Variants in UBXN7 observed in about 807,000 individuals in gnomAD.
The protein encoded by UBXN7 is UBX domain-containing protein 7.
Under a neutral mutation model 58.0 loss-of-function variants are expected in UBXN7, and 9 were observed. The observed-to-expected ratio is 0.16, with a 90% confidence interval of 0.09 to 0.27. The LOEUF is 0.27. Ranked by LOEUF, UBXN7 falls within the 10% of genes least tolerant of loss-of-function variation. UBXN7 has a pLI of 1.00. For synonymous variants in UBXN7, 208 were observed against 205.0 expected, an observed-to-expected ratio of 1.01 and a Z score of -0.12; for missense variants, 328 against 599.6, an observed-to-expected ratio of 0.55 and a Z score of 4.73.
intron 1 of UBXN7, among the ~76,000 whole-genome samples, chr3:196,431,142 T>C (rs1190851064): frequency 6.6e-6 from 1 of 152,170 alleles, no homozygotes; most frequent in Admixed American, 6.5e-5. Flanking sequence ...TAACCAGATA[T>C]TGCACGTTAA....
At position 196,356,495 on chromosome 3, in the gene UBXN7, G is replaced by T; in HGVS notation, c.*190C>A. On this transcript the variant is annotated 3_prime_UTR_variant, in exon 11 of 11. Transcript: ENST00000296328. Reference sequence around the variant, plus strand: ...GTACGGAGTGGGGAGCGAGAAAACAGAAGAGGAGAAAGAAACAAAGGGGGA... The same window carrying T: ...GTACGGAGTGGGGAGCGAGAAAACATAAGAGGAGAAAGAAACAAAGGGGGA... 1 of 577,602 alleles carries T rather than the reference G, an allele frequency of 1.7e-6. No individual in the cohort carries two copies. The highest frequency in any genetic ancestry group is 2.9e-6 in the Non-Finnish European group (1 of 347,904). The allele number at this position is 577,602 out of a possible 1,614,324, so 35.8% of individuals were successfully genotyped here. A position where few individuals can be genotyped will look rare whatever the true frequency, so the allele number is the denominator to read the frequency against.
chr3:196,419,925 A>G (rs1186298491), intron 1 of UBXN7, among the ~76,000 whole-genome samples: 3 of 152,226 alleles, frequency 2.0e-5, no homozygotes, highest in Non-Finnish European at 4.4e-5. Context: ...TGTAATTGCC[A>G]ATAACACTAC....
chr3:196,368,419 A>C (rs1728728572), intron 7 of UBXN7, among the ~76,000 whole-genome samples: 1 of 152,178 alleles, frequency 6.6e-6, no homozygotes, highest in South Asian at 2.1e-4. Context: ...ATCTTTCTGA[A>C]CATTCTCATT....
chr3:196,431,504 T>G (rs998348549), intron 1 of UBXN7: 1 of 159,510 alleles, frequency 6.3e-6, no homozygotes, highest in Non-Finnish European at 1.4e-5. Context: ...GCCTAGGGTT[T>G]CGGGGATACC....
chr3:196,430,371 A>G (rs1730988507), intron 1 of UBXN7, among the ~76,000 whole-genome samples: 1 of 151,772 alleles, frequency 6.6e-6, no homozygotes, highest in African/African-American at 2.4e-5. Context: ...AAATAATAAT[A>G]ATAATAATAA....
At chr3:196,363,497 A>T (rs1273042721) in intron 8 of UBXN7, among the ~76,000 whole-genome samples, 1 of 152,042 alleles carries the variant, frequency 6.6e-6, no homozygotes, top group Non-Finnish European at 1.5e-5. Flanking sequence ...TCTACTAAAA[A>T]TGATTAAGCT....
At chr3:196,424,125 A>T (rs1395289690) in intron 1 of UBXN7, among the ~76,000 whole-genome samples, 2 of 152,026 alleles carry the variant, frequency 1.3e-5, no homozygotes, top group Admixed American at 1.3e-4. Flanking sequence ...TCCTGATCTC[A>T]TGTGATCCAC....
chr3:196,412,555 C>A (rs949227517), intron 1 of UBXN7, among the ~76,000 whole-genome samples: 4 of 152,100 alleles, frequency 2.6e-5, no homozygotes, highest in Non-Finnish European at 4.4e-5. Context: ...AGAATATGAT[C>A]CAGTAATTTC....
At chr3:196,384,704 T>A (rs537019188) in intron 5 of UBXN7, among the ~76,000 whole-genome samples, 1 of 152,084 alleles carries the variant, frequency 6.6e-6, no homozygotes, top group Non-Finnish European at 1.5e-5. Flanking sequence ...AAAAACCACA[T>A]GATTATCTCA....
intron 5 of UBXN7, among the ~76,000 whole-genome samples, chr3:196,377,724 T>C (rs1160417998): frequency 6.6e-6 from 1 of 152,116 alleles, no homozygotes; most frequent in Non-Finnish European, 1.5e-5. Context: ...TGGAGGGCAA[T>C]GGCACCACCA....
rs933092199 is a variant in UBXN7 at position 196,354,528 on chromosome 3, A to C, written c.*2157T>G. ...TGGGTGCCATCAGAGCACAAAGCTG[A>C]GCAAACCTCTCTTCTTACCCTGTGC... On this transcript the variant is annotated 3_prime_UTR_variant, in exon 11 of 11. Coordinates refer to ENST00000296328, the MANE Select transcript of UBXN7 (RefSeq NM_015562.2). 6 of 152,220 alleles carry C rather than the reference A, an allele frequency of 3.9e-5. No homozygotes were observed. The highest frequency in any genetic ancestry group is 1.4e-4 in the African/African-American group (6 of 41,452). 9.4% of individuals were successfully genotyped at this position (152,220 alleles called of 1,614,324 possible). A position where few individuals can be genotyped will look rare whatever the true frequency, so the allele number is the denominator to read the frequency against.
chr3:196,364,688 A>AT (rs1434307430), intron 8 of UBXN7, among the ~76,000 whole-genome samples: 1 of 149,872 alleles, frequency 6.7e-6, no homozygotes, highest in Non-Finnish European at 1.5e-5. Flanking sequence ...AGGGAAAAAC[A>AT]TTTTTTTGCT....
intron 5 of UBXN7, among the ~76,000 whole-genome samples, chr3:196,384,289 G>A (rs1202409965): frequency 6.6e-6 from 1 of 152,190 alleles, no homozygotes; most frequent in African/African-American, 2.4e-5. Flanking sequence ...AACAGGCTCT[G>A]AAATTGAGGC....
chr3:196,379,853 C>T (rs1052939767), intron 5 of UBXN7, among the ~76,000 whole-genome samples: 2 of 151,852 alleles, frequency 1.3e-5, no homozygotes, highest in African/African-American at 2.4e-5. Flanking sequence ...CTTCTGTGGT[C>T]GCCAGAATGA....
At chr3:196,377,259 G>A (rs1339838847) in intron 5 of UBXN7, among the ~76,000 whole-genome samples, 1 of 152,132 alleles carries the variant, frequency 6.6e-6, no homozygotes, top group African/African-American at 2.4e-5. Context: ...CCCTTGCCCA[G>A]GTCAGACCAT....
In UBXN7 at chr3:196,401,130, G is replaced by A. The variant is rs75693014; in HGVS notation, c.289+1822C>T. 1.6e-3 allele frequency among the ~76,000 whole-genome samples: 240 copies of A among 148,798 alleles called. 5 individuals are homozygous for A. The East Asian group carries it at 0.043, about 27-fold the overall frequency. Reference sequence around the variant, plus strand: ...CTGCCAAGTTAAAAACATTTATCTCGGCCGGGTATGGTGGCTCATGCCTGT... The same window carrying A: ...CTGCCAAGTTAAAAACATTTATCTCAGCCGGGTATGGTGGCTCATGCCTGT... On this transcript the variant is annotated intron_variant, in intron 3 of 10. Coordinates refer to ENST00000296328, the MANE Select transcript of UBXN7 (RefSeq NM_015562.2).
rs1728130207 is a variant in UBXN7, at chr3:196,348,227, T to TA, written c.*8457dup. ...CTTACTAGATATACAGGAGGGTCTC[T>TA]AATGTGTCTTGAACAAAAAAATTTA... On this transcript the variant is annotated 3_prime_UTR_variant, in exon 11 of 11. Transcript: ENST00000296328. 6.6e-6 allele frequency: 1 copy of TA among 151,992 alleles called. No homozygotes were observed. Among genetic ancestry groups the TA allele is most frequent in the Admixed American group, 6.6e-5 (1 of 15,228 alleles). The allele number at this position is 151,992 out of a possible 1,614,324, so 9.4% of individuals were successfully genotyped here. A position where few individuals can be genotyped will look rare whatever the true frequency, so the allele number is the denominator to read the frequency against.
chr3:196,356,588 G>A lies in UBXN7; in HGVS notation c.*97C>T. ...AAGGTGACTTGCTTGCCCAACTTTGGCTCTGTGGTCCTATGAGCCAAAATG... is the reference window on the plus strand; with the variant it reads ...AAGGTGACTTGCTTGCCCAACTTTGACTCTGTGGTCCTATGAGCCAAAATG... On this transcript the variant is annotated 3_prime_UTR_variant, in exon 11 of 11. Transcript: ENST00000296328. 1 of 1,405,868 alleles carries A rather than the reference G, an allele frequency of 7.1e-7. No homozygotes were observed. The highest frequency in any genetic ancestry group is 1.5e-5 in the South Asian group (1 of 67,616). 87.1% of individuals were successfully genotyped at this position (1,405,868 alleles called of 1,614,324 possible).
Position 196,356,595 on chromosome 3 carries a change from G to A in UBXN7, c.*90C>T. The A allele has an allele frequency of 6.9e-7, 1 of 1,456,650 alleles. No individual in the cohort carries two copies. Among genetic ancestry groups the A allele is most frequent in the Non-Finnish European group, 9.2e-7 (1 of 1,090,808 alleles). 90.2% of individuals were successfully genotyped at this position (1,456,650 alleles called of 1,614,324 possible). On this transcript the variant is annotated 3_prime_UTR_variant, in exon 11 of 11. Transcript: ENST00000296328. ...CTTGCTTGCCCAACTTTGGCTCTGT[G>A]GTCCTATGAGCCAAAATGCATACTT...
Sources: gnomAD v4.1 joint callset for allele counts (sites outside exome capture counted in the v4.1 genomes callset) on GRCh38, gnomAD v4.1.1 for gene constraint, MANE v1.5 for transcripts, NCBI Gene and HGNC (gene_info 2026-07-23, HGNC 2026-07-21) for gene names.